OSBPL5: variants seen among roughly 807,000 people sequenced by gnomAD.
OSBPL5 encodes oxysterol binding protein like 5.
A neutral mutation model predicts 111.2 loss-of-function variants in OSBPL5; 71 were observed. The observed-to-expected ratio is 0.64, with a 90% confidence interval of 0.53 to 0.78. The LOEUF (loss-of-function observed/expected upper bound fraction) is 0.78. Ranked by LOEUF, OSBPL5 falls within the 30% of genes least tolerant of loss-of-function variation. The pLI is 0.00. For missense variants in OSBPL5, 1,210 were observed against 1,189.3 expected, an observed-to-expected ratio of 1.02 and a Z score of -0.26; for synonymous variants, 549 against 513.9, an observed-to-expected ratio of 1.07 and a Z score of -0.93.
chr11:3,098,343 A>T (rs1311386960), intron 14 of OSBPL5, among the ~76,000 whole-genome samples: 3 of 151,820 alleles, frequency 2.0e-5, no homozygotes, highest in African/African-American at 7.3e-5. Flanking sequence ...AGAAATCAGG[A>T]GTGAGGCACT....
chr11:3,122,303 G>A lies in OSBPL5; in HGVS notation c.300+45C>T, dbSNP rs373154884. On this transcript the variant is annotated intron_variant, in intron 4 of 21. Coordinates refer to ENST00000263650, the MANE Select transcript of OSBPL5 (RefSeq NM_020896.4). ...GACCTCCCTGGCTCAGGTGGCCGTC[G>A]GTCTGACAGTGACACTGCTGCACCC... is the stretch of plus-strand genomic sequence containing the variant. 63 of 1,584,258 alleles carry A rather than the reference G, an allele frequency of 4.0e-5. No individual in the cohort carries two copies. The Middle Eastern group carries it at 7.3e-4, about 18-fold the overall frequency.
chr11:3,137,768 C>T (rs1452761423), intron 1 of OSBPL5, among the ~76,000 whole-genome samples: 1 of 152,184 alleles, frequency 6.6e-6, no homozygotes, highest in Non-Finnish European at 1.5e-5. Context: ...ATGGTCATGC[C>T]ACTGCACTCA....
At position 3,092,542 on chromosome 11, in the gene OSBPL5, G is replaced by C. The variant is rs1252453778; in HGVS notation, c.2149C>G (p.Pro717Ala). ...YRYEDHSPWD[P>A]LKDIAQFEQD... The stretch of plus-strand genomic sequence containing the variant: ...TCAAACTGGGCGATGTCCTTCAGGG[G>C]GTCCCAGGGGCTGTGGCTGGAGGGT... Residue 717 changes from proline (P) to alanine (A), a missense_variant, in exon 19 of 22, where the codon CCC (proline) becomes GCC (alanine). By Grantham distance (27) the Pro-to-Ala change is conservative (BLOSUM62 -1). Transcript: ENST00000263650. The surrounding 1 kb of genome is among the most constrained non-coding windows in gnomAD (Gnocchi z 5.4). 1.9e-6 allele frequency: 3 copies of C among 1,591,006 alleles called. No individual in the cohort carries two copies. Among genetic ancestry groups the C allele is most frequent in the Non-Finnish European group, 2.6e-6 (3 of 1,168,802 alleles).
intron 1 of OSBPL5, among the ~76,000 whole-genome samples, chr11:3,159,711 G>A (rs1018088427): frequency 9.9e-5 from 15 of 152,164 alleles, no homozygotes; most frequent in African/African-American, 3.6e-4. Context: ...TGGGTGGGGT[G>A]GCCCAGGACT....
chr11:3,133,933 C>A (rs907841167), intron 1 of OSBPL5, among the ~76,000 whole-genome samples: 7 of 151,776 alleles, frequency 4.6e-5, no homozygotes. Flanking sequence ...GGAGGCCAGG[C>A]CAGGAGGCCA....
chr11:3,109,996 G>T lies in OSBPL5; in HGVS notation c.692-2051C>A, dbSNP rs1764231024. Reference sequence around the variant, plus strand: ...CCCAACCTGCCTTATCTGATGGTTGGTTATCCACCTCACCCAGGAGCACAG... The same window carrying T: ...CCCAACCTGCCTTATCTGATGGTTGTTTATCCACCTCACCCAGGAGCACAG... On this transcript the variant is annotated intron_variant, in intron 7 of 21. Transcript: ENST00000263650. The surrounding 1 kb of genome is among the most constrained non-coding windows in gnomAD (Gnocchi z 7.4). Among the ~76,000 whole-genome samples the T allele has an allele frequency of 6.6e-6, 1 of 152,078 alleles. No homozygotes were observed. The highest frequency in any genetic ancestry group is 1.5e-5 in the Non-Finnish European group (1 of 68,010).
chr11:3,132,589 C>T (rs1259770170), intron 1 of OSBPL5, among the ~76,000 whole-genome samples: 1 of 152,114 alleles, frequency 6.6e-6, no homozygotes, highest in African/African-American at 2.4e-5. Context: ...CTGTCGCCCA[C>T]TCTGCTCCAG....
intron 7 of OSBPL5, among the ~76,000 whole-genome samples, chr11:3,118,746 T>C (rs1858298141): frequency 6.6e-6 from 1 of 151,868 alleles, no homozygotes; most frequent in South Asian, 2.1e-4. Flanking sequence ...TAATTTTGTA[T>C]TTTTAGTAGA....
At chr11:3,112,056 C>CCTGT (rs1564837553) in intron 7 of OSBPL5, among the ~76,000 whole-genome samples, 14 of 32,036 alleles carry the variant, frequency 4.4e-4, no homozygotes, top group Non-Finnish European at 9.1e-4. Flanking sequence ...CATGTGTGTG[C>CCTGT]ATGTGTATGT....
At chr11:3,132,606 T>G (rs1845842392) in intron 1 of OSBPL5, among the ~76,000 whole-genome samples, 1 of 151,070 alleles carries the variant, frequency 6.6e-6, no homozygotes, top group Admixed American at 6.6e-5. Flanking sequence ...CCAGCCACAC[T>G]GGCCCCTTTA....
intron 14 of OSBPL5, among the ~76,000 whole-genome samples, chr11:3,097,021 G>GAGGAGAAGAGGAAAGAGGGGGAAGAT: frequency 9.6e-5 from 1 of 10,382 alleles, no homozygotes; most frequent in South Asian, 2.3e-3. Flanking sequence ...AAGACGGGAG[G>GAGGAGAAGAGGAAAGAGGGGGAAGAT]GGGAGGAGAG....
chr11:3,160,547 G>T (rs1239274524), intron 1 of OSBPL5, among the ~76,000 whole-genome samples: 1 of 152,182 alleles, frequency 6.6e-6, no homozygotes, highest in Non-Finnish European at 1.5e-5. Flanking sequence ...CTTATTCGCC[G>T]CAATAGCTGA....
intron 1 of OSBPL5, among the ~76,000 whole-genome samples, chr11:3,150,038 GCACA>G (rs1344803747): frequency 1.3e-5 from 2 of 152,050 alleles, no homozygotes; most frequent in Non-Finnish European, 1.5e-5. Flanking sequence ...AGATGTGCAT[GCACA>G]CACACACAGA....
In OSBPL5 at chr11:3,120,719, G is replaced by A. The variant is rs534130101; in HGVS notation, c.403-95C>T. The A allele has an allele frequency of 1.5e-4, 214 of 1,411,626 alleles. 5 individuals are homozygous for A. The South Asian group carries it at 1.7e-3, about 11-fold the overall frequency. 87.4% of individuals were successfully genotyped at this position (1,411,626 alleles called of 1,614,324 possible). A position where few individuals can be genotyped will look rare whatever the true frequency, so the allele number is the denominator to read the frequency against. On this transcript the variant is annotated intron_variant, in intron 5 of 21. Transcript: ENST00000263650. ...GGCGGGGAGCCAGGCACAGACCAGGGTGGGCTGCCGAGGGGCCCTTCCCCT... is the reference window on the plus strand; with the variant it reads ...GGCGGGGAGCCAGGCACAGACCAGGATGGGCTGCCGAGGGGCCCTTCCCCT...
intron 1 of OSBPL5, among the ~76,000 whole-genome samples, chr11:3,147,785 G>A (rs1020780224): frequency 6.6e-6 from 1 of 152,230 alleles, no homozygotes; most frequent in African/African-American, 2.4e-5. Context: ...CAGGGCACAG[G>A]GGCATGAAAG....
In OSBPL5 at chr11:3,119,972, T is replaced by C. The variant is rs573122000; in HGVS notation, c.607-341A>G. ...ACCATGAGTAGCTTTTTGGTGTAAG[T>C]ATTTCCCATACATGACTGGGGTCAT... On this transcript the variant is annotated intron_variant, in intron 6 of 21. Coordinates refer to ENST00000263650, the MANE Select transcript of OSBPL5 (RefSeq NM_020896.4). 8.6e-5 allele frequency: 36 copies of C among 418,574 alleles called. No homozygotes were observed. In the South Asian group the frequency reaches 1.1e-3, roughly 13 times the overall value. 25.9% of individuals were successfully genotyped at this position (418,574 alleles called of 1,614,324 possible).
chr11:3,093,010 C>T lies in OSBPL5; in HGVS notation c.1989G>A (p.Gln663=). The T allele has an allele frequency of 1.2e-6, 2 of 1,603,278 alleles. No individual in the cohort carries two copies. Among genetic ancestry groups the T allele is most frequent in the Non-Finnish European group, 1.7e-6 (2 of 1,176,316 alleles). The part of the protein sequence containing the change: ...HVTRAISKGD[Q]HRATQEKFAL... ...CAAACTTCTCCTGTGTGGCCCTGTGCTGGTCGCCCTTGCTGATGGCCCTGG... is the reference window on the plus strand; with the variant it reads ...CAAACTTCTCCTGTGTGGCCCTGTGTTGGTCGCCCTTGCTGATGGCCCTGG... The change falls in exon 18 of 22, where the codon CAG becomes CAA. Residue 663 remains glutamine (Q), a synonymous_variant. Coordinates refer to ENST00000263650, the MANE Select transcript of OSBPL5 (RefSeq NM_020896.4).
At chr11:3,160,672 T>TCCCCCCCCCCCCCCCCC (rs71035491) in intron 1 of OSBPL5, among the ~76,000 whole-genome samples, 26 of 122,428 alleles carry the variant, frequency 2.1e-4, no homozygotes, top group East Asian at 8.3e-4. Flanking sequence ...ATGACAACCC[T>TCCCCCCCCCCCCCCCCC]CCCCCCCCCC....
intron 14 of OSBPL5, among the ~76,000 whole-genome samples, chr11:3,095,892 A>G (rs1439652819): frequency 1.3e-5 from 2 of 152,182 alleles, no homozygotes; most frequent in Non-Finnish European, 2.9e-5. Context: ...CTAATGTCAC[A>G]AGGAACAACA....
Sources: gnomAD v4.1 joint callset for allele counts (sites outside exome capture counted in the v4.1 genomes callset) on GRCh38, gnomAD v4.1.1 for gene constraint, Gnocchi (gnomAD v3.1) non-coding constraint, MANE v1.5 for transcripts, NCBI Gene and HGNC (gene_info 2026-07-23, HGNC 2026-07-21) for gene names.